Variants in ADAM10 observed in about 807,000 individuals in gnomAD.
ADAM10 encodes disintegrin and metalloproteinase domain-containing protein 10.
ADAM10 carries 17 observed loss-of-function variants against 90.1 expected under a neutral mutation model. The ratio of observed to expected loss-of-function variants is 0.19; its 90% CI spans 0.13 to 0.28. The LOEUF (loss-of-function observed/expected upper bound fraction) is 0.28, where lower values mean the gene tolerates loss of function less well. ADAM10 is among the 10% of genes least tolerant of loss of function. ADAM10 has a pLI of 1.00. For synonymous variants in ADAM10, 310 were observed against 298.6 expected, an observed-to-expected ratio of 1.04 and a Z score of -0.40; for missense variants, 610 against 914.3, an observed-to-expected ratio of 0.67 and a Z score of 4.29.
rs377003420 is a variant in ADAM10, at chr15:58,627,686, G to A, written c.1360+14C>T. 1 of 1,608,724 alleles carries A rather than the reference G, an allele frequency of 6.2e-7. No homozygotes were observed. Among genetic ancestry groups the A allele is most frequent in the Non-Finnish European group, 8.5e-7 (1 of 1,175,744 alleles). On this transcript the variant is annotated intron_variant, in intron 10 of 15. Coordinates refer to ENST00000260408, the MANE Select transcript of ADAM10 (RefSeq NM_001110.4). ...GAAAATGTTCATAACAAAACGTTAG[G>A]AAAATATACATACCAACAAAACAGT...
rs28584993 is a variant in ADAM10 at position 58,593,027 on chromosome 15, G to C, written c.*4520C>G. 0.28 allele frequency: 41,359 copies of C among 149,126 alleles called. 8,055 individuals carry two copies. Among genetic ancestry groups the C allele is most frequent in the African/African-American group, 0.54 (22,127 of 40,836 alleles). The allele number at this position is 149,126 out of a possible 1,614,324, so 9.2% of individuals were successfully genotyped here. On this transcript the variant is annotated 3_prime_UTR_variant, in exon 16 of 16. Transcript: ENST00000260408. ...AAACATACATCCACAGAAATATTTA[G>C]AGTAGTTAATGTGATATACATTATC...
intron 2 of ADAM10, among the ~76,000 whole-genome samples, chr15:58,685,028 G>A (rs538048058): frequency 6.6e-6 from 1 of 152,128 alleles, no homozygotes; most frequent in Admixed American, 6.5e-5. Flanking sequence ...AGTAACAACA[G>A]AACTAGTTAA....
At chr15:58,600,720 A>C (rs1895085047) in intron 14 of ADAM10, among the ~76,000 whole-genome samples, 1 of 152,230 alleles carries the variant, frequency 6.6e-6, no homozygotes, top group Admixed American at 6.5e-5. Flanking sequence ...GTCTTAAATT[A>C]TATTTTGCAA....
At chr15:58,631,688 TC>T (rs1313740746) in intron 9 of ADAM10, among the ~76,000 whole-genome samples, 27 of 152,204 alleles carry the variant, frequency 1.8e-4, no homozygotes, top group African/African-American at 6.5e-4. Context: ...GTACTAAAAT[TC>T]CCCTGGTAAG....
chr15:58,612,085 G>C, intron 11 of ADAM10, 94 bp from the exon 12 acceptor site: 1 of 1,244,322 alleles, frequency 8.0e-7, no homozygotes, highest in Non-Finnish European at 1.1e-6. Context: ...ATTAGACATA[G>C]TACCAATTTT....
At chr15:58,738,525 T>C (rs1216471445) in intron 1 of ADAM10, among the ~76,000 whole-genome samples, 1 of 152,194 alleles carries the variant, frequency 6.6e-6, no homozygotes, top group Non-Finnish European at 1.5e-5. Flanking sequence ...AGTTACAAGT[T>C]AAAGTTCAAG....
At chr15:58,635,060 G>C (rs2063870071) in intron 8 of ADAM10, among the ~76,000 whole-genome samples, 1 of 151,284 alleles carries the variant, frequency 6.6e-6, no homozygotes, top group Admixed American at 6.6e-5. Context: ...GTGTTTCAAA[G>C]AAACACAAGG....
intron 1 of ADAM10, among the ~76,000 whole-genome samples, chr15:58,730,795 A>G (rs1387813672): frequency 6.6e-6 from 1 of 152,186 alleles, no homozygotes; most frequent in African/African-American, 2.4e-5. Flanking sequence ...GCACCATCCA[A>G]TTGGCTAAAG....
intron 2 of ADAM10, among the ~76,000 whole-genome samples, chr15:58,708,023 G>A (rs1483325819): frequency 6.6e-6 from 1 of 152,038 alleles, no homozygotes; most frequent in East Asian, 1.9e-4. Flanking sequence ...GTTGCAATGA[G>A]TGAAGATCGC....
Position 58,593,115 on chromosome 15 carries a change from CAT to C in ADAM10, c.*4430_*4431del, listed in dbSNP as rs1474829860. On this transcript the variant is annotated 3_prime_UTR_variant, in exon 16 of 16. Transcript: ENST00000260408. ...GTGCATATTATGTTTTTGTCACACA[CAT>C]AGAAAAAAAGTAACAAAGGCCAGGT... The C allele has an allele frequency of 1.0e-4, 12 of 120,376 alleles. No homozygotes were observed. The Admixed American group carries it at 1.1e-3, about 11-fold the overall frequency. 7.5% of individuals were successfully genotyped at this position (120,376 alleles called of 1,614,324 possible). A position where few individuals can be genotyped will look rare whatever the true frequency, so the allele number is the denominator to read the frequency against.
intron 4 of ADAM10, among the ~76,000 whole-genome samples, chr15:58,668,836 T>C (rs1269815454): frequency 2.0e-5 from 3 of 152,166 alleles, no homozygotes; most frequent in Non-Finnish European, 4.4e-5. Context: ...TTTCTATGCC[T>C]CTTTTCAAAG....
intron 11 of ADAM10, among the ~76,000 whole-genome samples, chr15:58,621,031 T>G (rs549801120): frequency 6.6e-6 from 1 of 152,036 alleles, no homozygotes; most frequent in East Asian, 1.9e-4. Flanking sequence ...TTGTTAACAT[T>G]CACCACACAA....
At chr15:58,738,751 A>G (rs560304726) in intron 1 of ADAM10, among the ~76,000 whole-genome samples, 1 of 152,348 alleles carries the variant, frequency 6.6e-6, no homozygotes, top group Admixed American at 6.5e-5. Context: ...TAAAAATCAA[A>G]AAATTGAAAT....
At chr15:58,707,083 G>GC (rs1268646099) in intron 2 of ADAM10, among the ~76,000 whole-genome samples, 9 of 49,948 alleles carry the variant, frequency 1.8e-4, no homozygotes, top group South Asian at 7.7e-4. Context: ...ATAAACTTTG[G>GC]GGGGGGGAAA....
intron 1 of ADAM10, among the ~76,000 whole-genome samples, chr15:58,726,880 G>GGGAGGGGAGA (rs1567014507): frequency 2.6e-5 from 4 of 150,944 alleles, no homozygotes; most frequent in Admixed American, 1.3e-4. Flanking sequence ...ATCTCCGAAG[G>GGGAGGGGAGA]GGAGGGGAGA....
chr15:58,749,333 G>C (rs989687119), intron 1 of ADAM10, 147 bp downstream of exon 1: 1 of 1,101,422 alleles, frequency 9.1e-7, no homozygotes, highest in Admixed American at 4.6e-5. Context: ...GGACAATAGG[G>C]AGCGGGGAGC....
At chr15:58,671,328 A>G (rs112152083) in intron 4 of ADAM10, among the ~76,000 whole-genome samples, 258 of 152,320 alleles carry the variant, frequency 1.7e-3, no homozygotes, top group African/African-American at 5.3e-3. Flanking sequence ...TAAATCATGA[A>G]CAGAATATAA....
At chr15:58,736,585 T>A (rs952321128) in intron 1 of ADAM10, among the ~76,000 whole-genome samples, 3 of 152,044 alleles carry the variant, frequency 2.0e-5, no homozygotes, top group East Asian at 3.8e-4. Context: ...GTACAACTTA[T>A]TTTCAAATGA....
intron 4 of ADAM10, among the ~76,000 whole-genome samples, chr15:58,668,202 G>A (rs1221975170): frequency 1.3e-5 from 2 of 152,084 alleles, no homozygotes; most frequent in African/African-American, 4.8e-5. Context: ...CAGAACCTTT[G>A]CCCTATTCAT....
Sources: allele counts gnomAD v4.1 joint callset (sites outside exome capture counted in the v4.1 genomes callset), GRCh38; gene constraint gnomAD v4.1.1; transcripts MANE v1.5; gene names NCBI Gene and HGNC (gene_info 2026-07-23, HGNC 2026-07-21).